Variants in PAH observed in about 807,000 individuals in gnomAD.
The protein encoded by PAH is phenylalanine hydroxylase, also known as phenylalanine-4-hydroxylase.
PAH carries 64 observed loss-of-function variants against 62.0 expected under a neutral mutation model. That is an observed-to-expected ratio of 1.03 (90% CI 0.84 to 1.27). PAH has a LOEUF of 1.27. Ranked by LOEUF, PAH falls within the 50% of genes most tolerant of loss-of-function variation. The pLI, the probability that PAH is intolerant of heterozygous loss-of-function variation, is 0.00. For missense variants in PAH, 579 were observed against 542.8 expected (o/e 1.07, Z -0.66); for synonymous variants, 195 against 196.2 (o/e 0.99, Z 0.05).
At chr12:102,882,164 A>G (rs1876837531) in intron 3 of PAH, among the ~76,000 whole-genome samples, 2 of 152,182 alleles carry the variant, frequency 1.3e-5, no homozygotes, top group Non-Finnish European at 2.9e-5. Context: ...GCTATTTACT[A>G]TGAAATCCTC....
intron 5 of PAH, among the ~76,000 whole-genome samples, chr12:102,861,651 A>G (rs1350732822): frequency 6.6e-6 from 1 of 152,234 alleles, no homozygotes; most frequent in African/African-American, 2.4e-5. Context: ...CTATGCAGCC[A>G]TAAAAAAGGA....
At chr12:102,889,003 G>C (rs1180297368) in intron 3 of PAH, among the ~76,000 whole-genome samples, 2 of 151,994 alleles carry the variant, frequency 1.3e-5, no homozygotes, top group African/African-American at 4.8e-5. Context: ...CCAAGCAGAG[G>C]AAAGGAGAGA....
upstream of PAH, among the ~76,000 whole-genome samples, chr12:102,953,096 T>A (rs1258962466): frequency 6.6e-6 from 1 of 152,188 alleles, no homozygotes; most frequent in Admixed American, 6.5e-5. Flanking sequence ...AGGCCCTGTA[T>A]TAATTATAGC....
At chr12:102,882,502 G>A (rs1331723370) in intron 3 of PAH, among the ~76,000 whole-genome samples, 8 of 151,764 alleles carry the variant, frequency 5.3e-5, no homozygotes, top group African/African-American at 7.3e-5. Flanking sequence ...GTTAATATGC[G>A]TGATTTATGG....
intron 3 of PAH, among the ~76,000 whole-genome samples, chr12:102,881,011 ATTAAT>A (rs1227981543): frequency 3.3e-5 from 5 of 150,050 alleles, no homozygotes; most frequent in African/African-American, 7.3e-5. Context: ...TTTATTATTT[ATTAAT>A]TTAATTTATT....
At chr12:102,865,744 C>G (rs1875926302) in intron 5 of PAH, among the ~76,000 whole-genome samples, 1 of 152,198 alleles carries the variant, frequency 6.6e-6, no homozygotes, top group African/African-American at 2.4e-5. Context: ...GAAAAGCTTT[C>G]TCTCTCTTTT....
chr12:102,891,434 C>T (rs776893369), intron 3 of PAH, among the ~76,000 whole-genome samples: 5 of 152,168 alleles, frequency 3.3e-5, no homozygotes, highest in Admixed American at 6.5e-5. Flanking sequence ...GGTCATTTTC[C>T]AGTTGCCAGA....
intron 5 of PAH, among the ~76,000 whole-genome samples, chr12:102,856,054 A>G (rs1339577782): frequency 1.4e-5 from 2 of 138,602 alleles, no homozygotes; most frequent in Non-Finnish European, 3.1e-5. Context: ...AATTATATAC[A>G]ATTTTTATTT....
chr12:102,884,199 G>C (rs1269151275), intron 3 of PAH, among the ~76,000 whole-genome samples: 1 of 152,230 alleles, frequency 6.6e-6, no homozygotes, highest in Non-Finnish European at 1.5e-5. Context: ...ACCATTAAGA[G>C]AAATTCACCA....
Position 102,912,892 on chromosome 12 carries a change from T to C in PAH, c.67A>G (p.Ser23Gly). 1 of 1,604,790 alleles carries C rather than the reference T, an allele frequency of 6.2e-7. No homozygotes were observed. Among genetic ancestry groups the C allele is most frequent in the Non-Finnish European group, 8.5e-7 (1 of 1,171,526 alleles). ...RKLSDFGQET[S>G]YIEDNCNQNG... is the part of the protein sequence containing the mutation. ...TGATTGCAGTTGTCTTCAATATAGC[T>C]TGTTTCCTACAGGATAAGATGCATT... Residue 23 changes from serine (S) to glycine (G), a missense_variant, in exon 2 of 13, where the codon AGC becomes GGC. Physicochemically the swap from Ser to Gly is moderately conservative, Grantham distance 56 (BLOSUM62 0). Coordinates refer to ENST00000553106, the MANE Select transcript of PAH (RefSeq NM_000277.3).
At chr12:102,951,930 G>C (rs866937534), upstream of PAH, among the ~76,000 whole-genome samples, 7 of 151,912 alleles carry the variant, frequency 4.6e-5, no homozygotes, top group Middle Eastern at 3.4e-3. Flanking sequence ...TGTGCGGCTC[G>C]TTACCACCCA....
chr12:102,848,506 A>G (rs12099586), intron 8 of PAH, among the ~76,000 whole-genome samples: 1,182 of 12,798 alleles, frequency 0.092, 4 homozygotes, highest in East Asian at 0.1. Context: ...GAGGTTGAGG[A>G]TAGACAGGAC....
At chr12:102,944,209 C>A (rs1374872858) in intron 1 of PAH, among the ~76,000 whole-genome samples, 2 of 152,116 alleles carry the variant, frequency 1.3e-5, no homozygotes, top group Admixed American at 6.6e-5. Context: ...TTATCCTTGA[C>A]CTTTTTTGAT....
chr12:102,839,160 A>C lies in PAH; in HGVS notation c.*15T>G. 1 of 1,610,558 alleles carries C rather than the reference A, an allele frequency of 6.2e-7. No individual in the cohort carries two copies. Among genetic ancestry groups the C allele is most frequent in the Non-Finnish European group, 8.5e-7 (1 of 1,176,834 alleles). ...AACAGATTCACAGCTGACAGACCACATTCTGTCCATGGCTTTACTTTATTT... is the reference window on the plus strand; with the variant it reads ...AACAGATTCACAGCTGACAGACCACCTTCTGTCCATGGCTTTACTTTATTT... On this transcript the variant is annotated 3_prime_UTR_variant, in exon 13 of 13. Transcript: ENST00000553106.
rs770034263 is a variant in PAH at position 102,840,416 on chromosome 12, C to T, written c.1299G>A (p.Leu433=). The T allele has an allele frequency of 1.2e-6, 2 of 1,612,916 alleles. No homozygotes were observed. Among genetic ancestry groups the T allele is most frequent in the African/African-American group, 2.7e-5 (2 of 74,852 alleles). The change falls in exon 12 of 13, where the codon TTG becomes TTA. Residue 433 remains leucine, a synonymous_variant. Transcript: ENST00000553106. ...VLDNTQQLKI[L]ADSINSEIGI... is the part of the protein sequence containing the mutation. Reference sequence around the variant, plus strand: ...ATTACTTACTGTTAATGGAATCAGCCAAAATCTTAAGCTGCTGGGTATTGT... The same window carrying T: ...ATTACTTACTGTTAATGGAATCAGCTAAAATCTTAAGCTGCTGGGTATTGT...
chr12:102,884,950 A>G (rs1236786682), intron 3 of PAH, among the ~76,000 whole-genome samples: 1 of 152,234 alleles, frequency 6.6e-6, no homozygotes, highest in Non-Finnish European at 1.5e-5. Context: ...AGGCTCAAAG[A>G]GACAAAGTGA....
intron 5 of PAH, among the ~76,000 whole-genome samples, chr12:102,859,201 T>A: frequency 6.6e-6 from 1 of 152,210 alleles, no homozygotes; most frequent in South Asian, 2.1e-4. Context: ...AACACCTCTA[T>A]GCAAATAAAC....
Position 102,957,901 on chromosome 12 carries a change from C to T in PAH, c.-96+294G>A, listed in dbSNP as rs1354790810. On this transcript the variant is annotated intron_variant, in intron 1 of 4. Coordinates refer to the PAH transcript ENST00000551337. This position sits in a 1 kb window ranked among gnomAD's most constrained non-coding sequence, Gnocchi z 4.1. ...CGTTCAGCACTGACTTTTGCTGCTGCTTCTGCTTTTTTTTTTCTTAGAAAC... is the reference window on the plus strand; with the variant it reads ...CGTTCAGCACTGACTTTTGCTGCTGTTTCTGCTTTTTTTTTTCTTAGAAAC... 4.6e-6 allele frequency: 1 copy of T among 217,370 alleles called. No homozygotes were observed. Among genetic ancestry groups the T allele is most frequent in the African/African-American group, 2.3e-5 (1 of 43,624 alleles). The allele number at this position is 217,370 out of a possible 1,614,324, so 13.5% of individuals were successfully genotyped here. A position where few individuals can be genotyped will look rare whatever the true frequency, so the allele number is the denominator to read the frequency against.
intron 1 of PAH, among the ~76,000 whole-genome samples, chr12:102,931,508 A>T (rs962821861): frequency 1.3e-5 from 2 of 152,212 alleles, no homozygotes; most frequent in African/African-American, 4.8e-5. Flanking sequence ...TCTTAGGTAG[A>T]AAAACTAGCC....
Sources: allele counts gnomAD v4.1 joint callset (sites outside exome capture counted in the v4.1 genomes callset), GRCh38; gene constraint gnomAD v4.1.1; non-coding constraint Gnocchi (gnomAD v3.1); transcripts MANE v1.5; gene names NCBI Gene and HGNC (gene_info 2026-07-23, HGNC 2026-07-21).